SCN8A: variants seen among roughly 807,000 people sequenced by gnomAD.
SCN8A encodes sodium voltage-gated channel alpha subunit 8, also known as sodium channel protein type 8 subunit alpha.
Under a neutral mutation model 184.1 loss-of-function variants are expected in SCN8A, and 30 were observed. The observed-to-expected ratio is 0.16, with a 90% CI of 0.12 to 0.22. SCN8A has a LOEUF of 0.22. SCN8A is among the 10% of genes least tolerant of loss of function. The probability of loss-of-function intolerance (pLI) is 1.00; values close to 1 mark genes in which losing one functional copy is unlikely to be tolerated. For synonymous variants in SCN8A, 852 were observed against 907.0 expected, an observed-to-expected ratio of 0.94 and a Z score of 1.09; for missense variants, 1,057 against 2,498.9, an observed-to-expected ratio of 0.42 and a Z score of 12.30.
chr12:51,598,749 T>C (rs1475121030), intron 1 of SCN8A, among the ~76,000 whole-genome samples: 1 of 152,202 alleles, frequency 6.6e-6, no homozygotes, highest in Admixed American at 6.5e-5. Flanking sequence ...CTAATTTCTC[T>C]TGTAATGCTT....
chr12:51,770,797 C>A, intron 19 of SCN8A, 114 bp downstream of exon 19: 1 of 1,104,044 alleles, frequency 9.1e-7, no homozygotes, highest in Non-Finnish European at 1.3e-6. Flanking sequence ...TGGCTGTGGT[C>A]CCAAGAAGAA....
At position 51,812,393 on chromosome 12, in the gene SCN8A, A is replaced by C. The variant is rs1395935114; in HGVS notation, c.*4964A>C. 1.3e-5 allele frequency: 2 copies of C among 155,122 alleles called. No individual in the cohort carries two copies. Among genetic ancestry groups the C allele is most frequent in the Non-Finnish European group, 2.9e-5 (2 of 69,710 alleles). 9.6% of individuals were successfully genotyped at this position (155,122 alleles called of 1,614,324 possible). Reference sequence around the variant, plus strand: ...CCCCATCTGTAAAATGGGGATAATAATACTGACCTACCTCACAGGGGTGTT... The same window carrying C: ...CCCCATCTGTAAAATGGGGATAATACTACTGACCTACCTCACAGGGGTGTT... On this transcript the variant is annotated 3_prime_UTR_variant, in exon 27 of 27. Transcript: ENST00000627620.
intron 12 of SCN8A, among the ~76,000 whole-genome samples, chr12:51,736,753 C>T (rs1210879123): frequency 2.6e-5 from 4 of 152,262 alleles, no homozygotes; most frequent in African/African-American, 9.6e-5. Flanking sequence ...TGTATGAAAT[C>T]GTAACTGAGA....
In SCN8A at chr12:51,767,525, A is replaced by AGATC. The variant is rs370681002; in HGVS notation, c.2902-1339_2902-1336dup. On this transcript the variant is annotated intron_variant, in intron 16 of 26. Coordinates refer to ENST00000627620, the MANE Select transcript of SCN8A (RefSeq NM_001330260.2). ...TGGATATCTTTCTTCATAGTATCTA[A>AGATC]GATCTGCCCCTTCCTTTGCATTTCT... Among the ~76,000 whole-genome samples, 966 of 152,294 alleles carry AGATC rather than the reference A, an allele frequency of 6.3e-3. 12 individuals are homozygous for AGATC. Among genetic ancestry groups the AGATC allele is most frequent in the African/African-American group, 0.022 (918 of 41,546 alleles).
intron 2 of SCN8A, among the ~76,000 whole-genome samples, chr12:51,664,270 C>T (rs1211611358): frequency 4.0e-5 from 6 of 150,550 alleles, no homozygotes; most frequent in Non-Finnish European, 7.4e-5. Flanking sequence ...TGCAGTGGTG[C>T]GGTCTCAGCT....
chr12:51,807,527 G>A lies in SCN8A; in HGVS notation c.*98G>A. Reference sequence around the variant, plus strand: ...ATTATCAATGCAGAACAGCTGTGGAGACTCTAACCTGAAGATCTATACCAA... The same window carrying A: ...ATTATCAATGCAGAACAGCTGTGGAAACTCTAACCTGAAGATCTATACCAA... On this transcript the variant is annotated 3_prime_UTR_variant, in exon 27 of 27. Coordinates refer to ENST00000627620, the MANE Select transcript of SCN8A (RefSeq NM_001330260.2). The surrounding 1 kb of genome is among the most constrained non-coding windows in gnomAD (Gnocchi z 4.5). The A allele has an allele frequency of 7.9e-7, 1 of 1,264,582 alleles. No individual in the cohort carries two copies. The highest frequency in any genetic ancestry group is 1.1e-6 in the Non-Finnish European group (1 of 893,006). The allele number at this position is 1,264,582 out of a possible 1,614,324, so 78.3% of individuals were successfully genotyped here. A position where few individuals can be genotyped will look rare whatever the true frequency, so the allele number is the denominator to read the frequency against.
At chr12:51,657,367 C>T (rs1038100106) in intron 1 of SCN8A, among the ~76,000 whole-genome samples, 5 of 152,032 alleles carry the variant, frequency 3.3e-5, no homozygotes, top group Non-Finnish European at 5.9e-5. Context: ...ACTTTTCTAG[C>T]GTTTCCCTGA....
intron 6 of SCN8A, among the ~76,000 whole-genome samples, chr12:51,694,176 AC>A (rs1370301995): frequency 3.3e-5 from 5 of 152,210 alleles, no homozygotes; most frequent in African/African-American, 1.2e-4. Flanking sequence ...CAGGTGATCC[AC>A]CCACCTTGGC....
intron 25 of SCN8A, among the ~76,000 whole-genome samples, chr12:51,790,902 T>G (rs1160478100): frequency 6.6e-6 from 1 of 152,224 alleles, no homozygotes; most frequent in Non-Finnish European, 1.5e-5. Context: ...TAAGGATGTC[T>G]TTGCAGGATG....
At position 51,632,911 on chromosome 12, in the gene SCN8A, GC is replaced by G. The variant is rs145382640; in HGVS notation, c.-54-29848del. 5.3e-5 allele frequency among the ~76,000 whole-genome samples: 8 copies of G among 152,086 alleles called. No homozygotes were observed. The South Asian group carries it at 1.2e-3, about 24-fold the overall frequency. On this transcript the variant is annotated intron_variant, in intron 1 of 26. Coordinates refer to ENST00000627620, the MANE Select transcript of SCN8A (RefSeq NM_001330260.2). ...ATTCTGTTTCCTCCGTGCTTTTACA[GC>G]CCCCTTCCCACCCCTCACTGTGACC...
chr12:51,744,281 C>T (rs981718440), intron 12 of SCN8A, among the ~76,000 whole-genome samples: 4 of 152,176 alleles, frequency 2.6e-5, no homozygotes, highest in Admixed American at 6.6e-5. Context: ...CCAGCCCGAG[C>T]GACAGAGCAG....
At chr12:51,624,312 T>C (rs1168225916) in intron 1 of SCN8A, among the ~76,000 whole-genome samples, 1 of 152,198 alleles carries the variant, frequency 6.6e-6, no homozygotes, top group Non-Finnish European at 1.5e-5. Context: ...TTCTAACTGG[T>C]GTGAGATGGT....
intron 1 of SCN8A, among the ~76,000 whole-genome samples, chr12:51,637,941 C>G (rs1267660134): frequency 6.6e-6 from 1 of 152,124 alleles, no homozygotes; most frequent in Non-Finnish European, 1.5e-5. Context: ...GCTGACTCTC[C>G]TGTTAGGAGC....
intron 12 of SCN8A, among the ~76,000 whole-genome samples, chr12:51,743,946 TG>T (rs1435314576): frequency 1.3e-5 from 2 of 152,038 alleles, no homozygotes; most frequent in Non-Finnish European, 2.9e-5. Flanking sequence ...GGGACCATGT[TG>T]TATGTGTTGT....
At position 51,662,532 on chromosome 12, in the gene SCN8A, T is replaced by C. The variant is rs371053867; in HGVS notation, c.-54-232T>C. ...GTGGTTCCTAATAGTGAGTTGCATC[T>C]GAGTGAATATAATAAATAACTAGCA... is the stretch of plus-strand genomic sequence containing the variant. On this transcript the variant is annotated intron_variant, in intron 1 of 26. Transcript: ENST00000627620. Among the ~76,000 whole-genome samples the C allele has an allele frequency of 9.8e-5, 15 of 152,342 alleles. No homozygotes were observed. In the South Asian group the frequency reaches 1.7e-3, roughly 17 times the overall value.
At position 51,670,874 on chromosome 12, in the gene SCN8A, C is replaced by T. The variant is rs114443146; in HGVS notation, c.276+7781C>T. On this transcript the variant is annotated intron_variant, in intron 2 of 26. Coordinates refer to ENST00000627620, the MANE Select transcript of SCN8A (RefSeq NM_001330260.2). ...TTGTTACTGAGTGTTTTCTATATGC[C>T]GGGGCTCTGTTCCGTGCCCTTGGGA... 6.0e-3 allele frequency among the ~76,000 whole-genome samples: 909 copies of T among 152,144 alleles called. 5 individuals carry two copies. The highest frequency in any genetic ancestry group is 0.02 in the African/African-American group (837 of 41,510).
At chr12:51,629,424 G>A (rs1940149658) in intron 1 of SCN8A, among the ~76,000 whole-genome samples, 1 of 152,060 alleles carries the variant, frequency 6.6e-6, no homozygotes, top group African/African-American at 2.4e-5. Flanking sequence ...CAGCCCCCAA[G>A]TTGTGACACT....
chr12:51,684,979 G>A (rs550900519), intron 3 of SCN8A, among the ~76,000 whole-genome samples: 13 of 152,138 alleles, frequency 8.5e-5, no homozygotes, highest in Non-Finnish European at 1.6e-4. Flanking sequence ...ATGGCTGGTC[G>A]ATATTTAACA....
chr12:51,702,604 T>C (rs1285384807), intron 8 of SCN8A, among the ~76,000 whole-genome samples, 169 bp from the exon 9 acceptor site: 1 of 152,202 alleles, frequency 6.6e-6, no homozygotes, highest in Non-Finnish European at 1.5e-5. Context: ...GTTGGTTAGC[T>C]GCTTATTTCC....
Sources: allele counts gnomAD v4.1 joint callset (sites outside exome capture counted in the v4.1 genomes callset), GRCh38; gene constraint gnomAD v4.1.1; non-coding constraint Gnocchi (gnomAD v3.1); transcripts MANE v1.5; gene names NCBI Gene and HGNC (gene_info 2026-07-23, HGNC 2026-07-21).